Variants in GRM7 observed in about 807,000 individuals in gnomAD.
The protein encoded by GRM7 is metabotropic glutamate receptor 7.
GRM7 carries 35 observed loss-of-function variants against 84.5 expected under a neutral mutation model. That is an observed-to-expected ratio of 0.41 (90% CI 0.32 to 0.55). The LOEUF (loss-of-function observed/expected upper bound fraction) is 0.55, where lower values mean the gene tolerates loss of function less well. Among genes scored for constraint, GRM7 ranks in the 20% least tolerant of loss-of-function variants. GRM7 has a pLI of 0.19. For synonymous variants in GRM7, 487 were observed against 455.1 expected (o/e 1.07, Z -0.89); for missense variants, 1,003 against 1,194.6 (o/e 0.84, Z 2.36).
chr3:6,872,597 T>C (rs1002428776), intron 1 of GRM7, among the ~76,000 whole-genome samples: 4 of 152,168 alleles, frequency 2.6e-5, no homozygotes, highest in Non-Finnish European at 5.9e-5. Flanking sequence ...TTTCTCCTAA[T>C]GCTATCCCTC....
chr3:6,958,420 T>C (rs1182488753), intron 1 of GRM7, among the ~76,000 whole-genome samples: 1 of 152,218 alleles, frequency 6.6e-6, no homozygotes, highest in Non-Finnish European at 1.5e-5. Flanking sequence ...TATTTATCTG[T>C]TCACCTGCTG....
intron 1 of GRM7, among the ~76,000 whole-genome samples, chr3:6,949,249 T>C (rs9819112): frequency 0.022 from 3,306 of 152,302 alleles, 130 homozygotes; most frequent in African/African-American, 0.076. Context: ...AGAGCAGGCC[T>C]GGTGGTGACA....
intron 1 of GRM7, among the ~76,000 whole-genome samples, chr3:6,959,853 TTTTTCACAC>T (rs1440645422): frequency 6.6e-6 from 1 of 152,168 alleles, no homozygotes; most frequent in Non-Finnish European, 1.5e-5. Flanking sequence ...GAGGTTAGTT[TTTTTCACAC>T]TTGTGAGTAA....
intron 8 of GRM7, among the ~76,000 whole-genome samples, chr3:7,678,556 T>A (rs111341267): frequency 6.6e-6 from 1 of 152,224 alleles, no homozygotes; most frequent in Non-Finnish European, 1.5e-5. Flanking sequence ...TCTAAAGGTA[T>A]GCTAGTAGGG....
intron 7 of GRM7, chr3:7,535,102 T>C (rs1042495588): frequency 6.6e-6 from 1 of 152,174 alleles, no homozygotes; most frequent in African/African-American, 2.4e-5. Flanking sequence ...TTTCTTCCTA[T>C]GTGTCTTTTT....
chr3:6,917,849 C>T (rs1364070353), intron 1 of GRM7, among the ~76,000 whole-genome samples: 1 of 152,000 alleles, frequency 6.6e-6, no homozygotes, highest in African/African-American at 2.4e-5. Context: ...TAAGGGGCTC[C>T]CTCCATAGTA....
At chr3:7,191,524 G>T (rs1051399913) in intron 2 of GRM7, among the ~76,000 whole-genome samples, 1 of 151,722 alleles carries the variant, frequency 6.6e-6, no homozygotes, top group African/African-American at 2.4e-5. Context: ...GTTTTTCAAT[G>T]GATAAATGAA....
chr3:7,538,702 C>CA (rs111719655), intron 7 of GRM7, among the ~76,000 whole-genome samples: 16,945 of 149,840 alleles, frequency 0.11, 1,043 homozygotes, highest in South Asian at 0.14. Flanking sequence ...CCACAGCCAC[C>CA]AAAAAAAAAT....
chr3:7,310,434 A>C (rs1209663545), intron 4 of GRM7, among the ~76,000 whole-genome samples: 1 of 152,184 alleles, frequency 6.6e-6, no homozygotes, highest in Non-Finnish European at 1.5e-5. Context: ...GAAAGAACAA[A>C]GCTGTGAAGA....
intron 8 of GRM7, among the ~76,000 whole-genome samples, chr3:7,631,148 T>C (rs993232858): frequency 3.3e-5 from 5 of 152,136 alleles, no homozygotes; most frequent in Admixed American, 3.3e-4. Flanking sequence ...CAATCACCCT[T>C]CCAGTGATAC....
chr3:7,681,843 C>T (rs1317956529), intron 9 of GRM7: 1 of 152,190 alleles, frequency 6.6e-6, no homozygotes, highest in Non-Finnish European at 1.5e-5. Flanking sequence ...GAGATAATAA[C>T]TATGTCATAA....
chr3:6,937,229 T>C (rs146940105), intron 1 of GRM7, among the ~76,000 whole-genome samples: 4 of 152,352 alleles, frequency 2.6e-5, no homozygotes, highest in South Asian at 2.1e-4. Flanking sequence ...TTTGATTAAA[T>C]GTTTTCCTTG....
chr3:7,379,813 A>G (rs1246680132), intron 4 of GRM7, among the ~76,000 whole-genome samples: 1 of 151,996 alleles, frequency 6.6e-6, no homozygotes, highest in Non-Finnish European at 1.5e-5. Flanking sequence ...CCTTCTTGCC[A>G]TCTGTATTTT....
intron 2 of GRM7, among the ~76,000 whole-genome samples, chr3:7,251,054 G>A (rs1575081534): frequency 6.6e-6 from 1 of 152,178 alleles, no homozygotes; most frequent in Non-Finnish European, 1.5e-5. Context: ...TTCTAACAGT[G>A]GAGGGGTTGA....
At chr3:7,474,210 G>A (rs954422879) in intron 7 of GRM7, among the ~76,000 whole-genome samples, 1 of 152,098 alleles carries the variant, frequency 6.6e-6, no homozygotes, top group Admixed American at 6.6e-5. Flanking sequence ...GCTTAAGCAA[G>A]ACAATTCCAT....
intron 2 of GRM7, among the ~76,000 whole-genome samples, chr3:7,297,045 T>A (rs750519895): frequency 6.6e-6 from 1 of 152,140 alleles, no homozygotes; most frequent in Non-Finnish European, 1.5e-5. Flanking sequence ...TTCTGCTTTT[T>A]TTTGGTATTT....
At chr3:7,111,854 C>G (rs973834217) in intron 1 of GRM7, among the ~76,000 whole-genome samples, 4 of 152,226 alleles carry the variant, frequency 2.6e-5, no homozygotes, top group Admixed American at 1.3e-4. Flanking sequence ...AGTGAACATA[C>G]CTATGTAACC....
chr3:7,734,272 G>C (rs539508503), intron 9 of GRM7, among the ~76,000 whole-genome samples: 5 of 151,360 alleles, frequency 3.3e-5, no homozygotes, highest in African/African-American at 9.7e-5. Context: ...CTCTCAATGT[G>C]AGTTTAGTTT....
intron 8 of GRM7, among the ~76,000 whole-genome samples, chr3:7,675,904 G>A (rs1013857335): frequency 2.6e-5 from 4 of 152,062 alleles, no homozygotes; most frequent in Non-Finnish European, 4.4e-5. Context: ...TCTTCGTAAT[G>A]ACCACATGAG....
Sources: allele counts gnomAD v4.1 joint callset (sites outside exome capture counted in the v4.1 genomes callset), GRCh38; gene constraint gnomAD v4.1.1; transcripts MANE v1.5; gene names NCBI Gene and HGNC (gene_info 2026-07-23, HGNC 2026-07-21).